Variants in TMEM132B observed in about 807,000 individuals in gnomAD.
TMEM132B encodes the protein transmembrane protein 132B.
A neutral mutation model predicts 90.8 loss-of-function variants in TMEM132B; 18 were observed. The observed-to-expected ratio is 0.20, with a 90% CI of 0.14 to 0.29. The LOEUF (loss-of-function observed/expected upper bound fraction) is 0.29. TMEM132B is among the 10% of genes least tolerant of loss of function. The probability of loss-of-function intolerance (pLI) is 1.00; values close to 1 mark genes in which losing one functional copy is unlikely to be tolerated. For synonymous variants in TMEM132B, 504 were observed against 523.3 expected, an observed-to-expected ratio of 0.96 and a Z score of 0.50; for missense variants, 1,096 against 1,326.8, an observed-to-expected ratio of 0.83 and a Z score of 2.70.
intron 1 of TMEM132B, among the ~76,000 whole-genome samples, chr12:125,345,915 G>C (rs549613534): frequency 6.6e-6 from 1 of 152,292 alleles, no homozygotes; most frequent in South Asian, 2.1e-4. Flanking sequence ...GTTACTATGT[G>C]ACATTTTGGG....
chr12:125,522,612 G>C (rs1305800840), intron 4 of TMEM132B, among the ~76,000 whole-genome samples: 1 of 152,246 alleles, frequency 6.6e-6, no homozygotes, highest in Non-Finnish European at 1.5e-5. Flanking sequence ...GCTAGGGACA[G>C]CTGTTCACAA....
chr12:125,372,179 C>T (rs1012305260), intron 2 of TMEM132B, among the ~76,000 whole-genome samples: 5 of 152,202 alleles, frequency 3.3e-5, no homozygotes, highest in Admixed American at 2.0e-4. Context: ...GCATTTATCC[C>T]AGCATATTTT....
chr12:125,291,114 C>G (rs1287576152), intron 1 of TMEM132B, among the ~76,000 whole-genome samples: 2 of 152,102 alleles, frequency 1.3e-5, no homozygotes, highest in South Asian at 4.2e-4. Flanking sequence ...AAGGGTGAAC[C>G]CCTCATGATG....
chr12:125,188,575 A>G (rs1392289806), intron 1 of TMEM132B, among the ~76,000 whole-genome samples: 2 of 113,618 alleles, frequency 1.8e-5, no homozygotes, highest in African/African-American at 6.8e-5. Context: ...CCCCAGCAAC[A>G]GAAGAGCCTG....
chr12:125,272,042 A>G (rs1032161824), intron 1 of TMEM132B, among the ~76,000 whole-genome samples: 2 of 152,084 alleles, frequency 1.3e-5, no homozygotes, highest in Non-Finnish European at 2.9e-5. Flanking sequence ...AGGCTCTCAG[A>G]CAGAGACCTG....
At chr12:125,355,871 G>C (rs775463804) in intron 2 of TMEM132B, among the ~76,000 whole-genome samples, 3 of 152,138 alleles carry the variant, frequency 2.0e-5, no homozygotes, top group African/African-American at 7.2e-5. Flanking sequence ...AGAGGGGCCC[G>C]TCTGAACAAA....
In TMEM132B at chr12:125,351,171, G is replaced by A. The variant is rs904179762; in HGVS notation, c.959+828G>A. On this transcript the variant is annotated intron_variant, in intron 2 of 8. Coordinates refer to ENST00000682704, the MANE Select transcript of TMEM132B (RefSeq NM_001366854.1). ...GCCACATGGTGAAAAGACATCATGG[G>A]CCATGTAGTCTCTCTGGTGATGTCT... Among the ~76,000 whole-genome samples the A allele has an allele frequency of 3.3e-5, 5 of 152,214 alleles. No homozygotes were observed. In the East Asian group the frequency reaches 7.7e-4, roughly 23 times the overall value.
intron 4 of TMEM132B, among the ~76,000 whole-genome samples, chr12:125,582,463 A>C (rs538317380): frequency 3.9e-5 from 6 of 152,152 alleles, no homozygotes; most frequent in Non-Finnish European, 8.8e-5. Context: ...TCACTGATAC[A>C]GTCTGGGAGA....
chr12:125,418,317 A>G (rs193050535), intron 3 of TMEM132B, among the ~76,000 whole-genome samples: 54 of 152,302 alleles, frequency 3.5e-4, no homozygotes, highest in African/African-American at 1.3e-3. Flanking sequence ...GCAGAGTTAC[A>G]TAATTATGAG....
intron 3 of TMEM132B, among the ~76,000 whole-genome samples, chr12:125,431,236 G>A (rs1408779090): frequency 3.3e-5 from 5 of 152,214 alleles, no homozygotes; most frequent in Non-Finnish European, 4.4e-5. Context: ...CCAGGTGAGG[G>A]CTATCGCCAT....
At chr12:125,580,019 G>A (rs569373095) in intron 4 of TMEM132B, among the ~76,000 whole-genome samples, 1 of 152,036 alleles carries the variant, frequency 6.6e-6, no homozygotes, top group Non-Finnish European at 1.5e-5. Context: ...TGCTTGGTTA[G>A]CTTGGTGGTC....
chr12:125,563,601 A>ACAAAC (rs1555258802), intron 4 of TMEM132B, among the ~76,000 whole-genome samples: 6,525 of 148,384 alleles, frequency 0.044, 157 homozygotes, highest in African/African-American at 0.067. Context: ...AAACAAACAA[A>ACAAAC]AAAAAACCCC....
chr12:125,345,248 T>G (rs981956471), intron 1 of TMEM132B, among the ~76,000 whole-genome samples: 2 of 152,168 alleles, frequency 1.3e-5, no homozygotes, highest in African/African-American at 4.8e-5. Flanking sequence ...TCAGAAATGT[T>G]GTGGGCCTGT....
At chr12:125,330,572 T>C (rs1876737636) in intron 1 of TMEM132B, among the ~76,000 whole-genome samples, 1 of 152,194 alleles carries the variant, frequency 6.6e-6, no homozygotes, top group Non-Finnish European at 1.5e-5. Context: ...AACTATCATT[T>C]TTTACTGTGA....
At chr12:125,241,108 A>G (rs1874055050) in intron 1 of TMEM132B, among the ~76,000 whole-genome samples, 1 of 152,228 alleles carries the variant, frequency 6.6e-6, no homozygotes. Flanking sequence ...TTAAATGCAT[A>G]TCGTAAAATA....
At chr12:125,599,672 G>T (rs1421094981) in intron 5 of TMEM132B, among the ~76,000 whole-genome samples, 1 of 152,148 alleles carries the variant, frequency 6.6e-6, no homozygotes, top group Non-Finnish European at 1.5e-5. Flanking sequence ...GATCCCTTCT[G>T]CAGGAGTTTT....
intron 1 of TMEM132B, among the ~76,000 whole-genome samples, chr12:125,207,502 C>T (rs546985474): frequency 3.9e-5 from 6 of 152,264 alleles, no homozygotes; most frequent in South Asian, 2.1e-4. Context: ...ATATGGTATC[C>T]GCCAGCCACA....
At chr12:125,506,909 A>C (rs1882859983) in intron 3 of TMEM132B, among the ~76,000 whole-genome samples, 1 of 152,252 alleles carries the variant, frequency 6.6e-6, no homozygotes, top group South Asian at 2.1e-4. Flanking sequence ...GTGCCCAATA[A>C]GTTAGGATTC....
intron 1 of TMEM132B, among the ~76,000 whole-genome samples, chr12:125,258,076 A>G (rs559131709): frequency 1.7e-4 from 26 of 152,278 alleles, no homozygotes; most frequent in Admixed American, 4.6e-4. Flanking sequence ...ATTTCCCTCT[A>G]TATTTGTTCA....
Sources: gnomAD v4.1 joint callset for allele counts (sites outside exome capture counted in the v4.1 genomes callset) on GRCh38, gnomAD v4.1.1 for gene constraint, MANE v1.5 for transcripts, NCBI Gene and HGNC (gene_info 2026-07-23, HGNC 2026-07-21) for gene names.